Variants in RGS12 observed in about 807,000 individuals in gnomAD.
RGS12 encodes the protein regulator of G-protein signaling 12.
RGS12 carries 66 observed loss-of-function variants against 120.1 expected under a neutral mutation model. The observed-to-expected ratio is 0.55, with a 90% CI of 0.45 to 0.67. RGS12 has a LOEUF of 0.67. Among genes scored for constraint, RGS12 ranks in the 30% least tolerant of loss-of-function variants. RGS12 has a pLI of 0.00. For missense variants in RGS12, 1,859 were observed against 1,957.7 expected (o/e 0.95, Z 0.95); for synonymous variants, 827 against 804.7 (o/e 1.03, Z -0.47).
chr4:3,430,316 C>A, intron 16 of RGS12, 91 bp from the exon 17 acceptor site: 2 of 1,212,184 alleles, frequency 1.6e-6, no homozygotes, highest in Non-Finnish European at 2.3e-6. Flanking sequence ...TTAGGACAGC[C>A]CAGGATGAGA....
intron 2 of RGS12, among the ~76,000 whole-genome samples, chr4:3,339,704 A>G (rs1240383773): frequency 1.3e-5 from 2 of 152,206 alleles, no homozygotes; most frequent in Non-Finnish European, 2.9e-5. Context: ...CACAAGGATC[A>G]GCACCAAGGA....
intron 3 of RGS12, among the ~76,000 whole-genome samples, chr4:3,344,033 T>G (rs1436091733): frequency 1.3e-5 from 2 of 152,140 alleles, no homozygotes; most frequent in Non-Finnish European, 2.9e-5. Context: ...CTTACGGCAT[T>G]CTTGTACATG....
intron 1 of RGS12, among the ~76,000 whole-genome samples, chr4:3,309,768 C>T (rs1436644193): frequency 4.5e-4 from 57 of 126,392 alleles, no homozygotes; most frequent in Middle Eastern, 5.4e-3. Context: ...AGCTGGGACT[C>T]GGGAATGGCA....
intron 14 of RGS12, among the ~76,000 whole-genome samples, chr4:3,427,831 A>C (rs1389678819): frequency 6.6e-6 from 1 of 152,232 alleles, no homozygotes; most frequent in Non-Finnish European, 1.5e-5. Flanking sequence ...TAGTATATGA[A>C]ATGAGCTTTT....
At chr4:3,431,258 G>A in intron 17 of RGS12, 1 of 1,270,300 alleles carries the variant, frequency 7.9e-7, no homozygotes, top group Non-Finnish European at 9.9e-7. Flanking sequence ...AACACCCTGG[G>A]TGAGGCCTGG....
intron 3 of RGS12, among the ~76,000 whole-genome samples, chr4:3,363,040 C>T (rs528645850): frequency 3.5e-5 from 5 of 143,880 alleles, no homozygotes; most frequent in East Asian, 2.1e-4. Context: ...ATTTGGAACG[C>T]GAGGGTGTAT....
chr4:3,288,809 G>C (rs1255961690), upstream of RGS12, among the ~76,000 whole-genome samples: 2 of 152,332 alleles, frequency 1.3e-5, no homozygotes, highest in East Asian at 3.9e-4. The surrounding 1 kb of genome is among the most constrained non-coding windows in gnomAD (Gnocchi z 5.2). Context: ...GAGGCATGTG[G>C]CTTGCTGGGG....
chr4:3,419,152 G>T (rs1289686622), intron 9 of RGS12: 1 of 151,850 alleles, frequency 6.6e-6, no homozygotes, highest in East Asian at 1.9e-4. Flanking sequence ...CCAACATGAT[G>T]AAACCCCGTC....
chr4:3,360,390 TTTC>T (rs1056321038), intron 3 of RGS12, among the ~76,000 whole-genome samples: 1 of 152,138 alleles, frequency 6.6e-6, no homozygotes, highest in Non-Finnish European at 1.5e-5. Flanking sequence ...TATTATTTCC[TTTC>T]TTCTTCTAGC....
chr4:3,379,744 AACTC>A (rs1349258032), intron 3 of RGS12, among the ~76,000 whole-genome samples: 1 of 152,142 alleles, frequency 6.6e-6, no homozygotes, highest in Non-Finnish European at 1.5e-5. Flanking sequence ...CTGTCATGAG[AACTC>A]ACTCACTATC....
chr4:3,312,354 G>A (rs748786425), intron 1 of RGS12, among the ~76,000 whole-genome samples: 7 of 152,174 alleles, frequency 4.6e-5, no homozygotes, highest in Non-Finnish European at 7.3e-5. Context: ...GTGAGACCTC[G>A]TCTACAGAAA....
In RGS12 at chr4:3,366,564, G is replaced by A. The variant is rs1285753331; in HGVS notation, c.1999-19852G>A. 3.3e-5 allele frequency among the ~76,000 whole-genome samples: 5 copies of A among 152,334 alleles called. No individual in the cohort carries two copies. Among genetic ancestry groups the A allele is most frequent in the African/African-American group, 7.2e-5 (3 of 41,568 alleles). The stretch of plus-strand genomic sequence containing the variant: ...GAAGGAGGCAGCAGGGCTTGCGGCC[G>A]GGATCCACCAGGGCCGTCCCGGTTC... On this transcript the variant is annotated intron_variant, in intron 3 of 17. Transcript: ENST00000336727. The surrounding 1 kb of genome is among the most constrained non-coding windows in gnomAD (Gnocchi z 4.0).
At chr4:3,410,960 T>C (rs1175915009) in intron 4 of RGS12, among the ~76,000 whole-genome samples, 1 of 152,240 alleles carries the variant, frequency 6.6e-6, no homozygotes, top group Non-Finnish European at 1.5e-5. Context: ...GGGACTTGGC[T>C]GATGGTGCTT....
At chr4:3,377,942 A>G (rs971410305) in intron 3 of RGS12, among the ~76,000 whole-genome samples, 1 of 152,204 alleles carries the variant, frequency 6.6e-6, no homozygotes, top group Non-Finnish European at 1.5e-5. Context: ...ATTACGGTAT[A>G]TGTTTAAATT....
chr4:3,310,089 A>G (rs1456487867), intron 1 of RGS12, among the ~76,000 whole-genome samples: 1 of 96,574 alleles, frequency 1.0e-5, no homozygotes, highest in Non-Finnish European at 2.0e-5. Flanking sequence ...GGACCCGGGA[A>G]ATGGCAGGTG....
intron 4 of RGS12, among the ~76,000 whole-genome samples, chr4:3,387,786 A>T (rs1719006991): frequency 6.6e-6 from 1 of 152,190 alleles, no homozygotes; most frequent in African/African-American, 2.4e-5. Flanking sequence ...CTGGCAGAAG[A>T]CATTCATTTC....
intron 4 of RGS12, among the ~76,000 whole-genome samples, chr4:3,411,878 G>A (rs1029520700): frequency 1.3e-5 from 2 of 152,274 alleles, no homozygotes; most frequent in Non-Finnish European, 2.9e-5. Flanking sequence ...GCGTGTGAGC[G>A]CTGGTGCGCG....
chr4:3,423,172 TCTC>T (rs1328298884), intron 12 of RGS12, among the ~76,000 whole-genome samples, 194 bp downstream of exon 12: 2 of 152,068 alleles, frequency 1.3e-5, no homozygotes, highest in Admixed American at 6.5e-5. Context: ...AGAGGCGCCC[TCTC>T]CTCCCTGTCC....
At chr4:3,364,249 C>T (rs753395096) in intron 3 of RGS12, among the ~76,000 whole-genome samples, 8 of 152,178 alleles carry the variant, frequency 5.3e-5, no homozygotes, top group Non-Finnish European at 1.2e-4. Flanking sequence ...TCACTGGCTG[C>T]ACGTCGGGGC....
Sources: gnomAD v4.1 joint callset for allele counts (sites outside exome capture counted in the v4.1 genomes callset) on GRCh38, gnomAD v4.1.1 for gene constraint, Gnocchi (gnomAD v3.1) non-coding constraint, MANE v1.5 for transcripts, NCBI Gene and HGNC (gene_info 2026-07-23, HGNC 2026-07-21) for gene names.